CFAP161: variants seen among roughly 807,000 people sequenced by gnomAD.
CFAP161 encodes the protein cilia and flagella associated protein 161.
A neutral mutation model predicts 29.0 loss-of-function variants in CFAP161; 25 were observed. The observed-to-expected ratio is 0.86, with a 90% confidence interval of 0.63 to 1.20. CFAP161 has a LOEUF of 1.20. CFAP161 is among the 50% of genes most tolerant of loss of function. CFAP161 has a pLI of 0.00. For missense variants in CFAP161, 367 were observed against 371.9 expected (o/e 0.99, Z 0.11); for synonymous variants, 116 against 137.4 (o/e 0.84, Z 1.09).
Position 81,116,041 on chromosome 15 carries a change from A to G in CFAP161, c.-141-11549A>G, listed in dbSNP as rs1459019044. On this transcript the variant is annotated intron_variant, in intron 1 of 4. Coordinates refer to the CFAP161 transcript ENST00000560091. ...CATGTGGCCTGTTTTCTTATGTTGT[A>G]AACATAAGTCTGAACTTTTCCAGAG... 3.3e-5 allele frequency among the ~76,000 whole-genome samples: 5 copies of G among 152,214 alleles called. No homozygotes were observed. In the East Asian group the frequency reaches 9.6e-4, roughly 29 times the overall value.
intron 5 of CFAP161, among the ~76,000 whole-genome samples, chr15:81,144,602 A>G (rs1435154467): frequency 6.6e-6 from 1 of 151,922 alleles, no homozygotes; most frequent in African/African-American, 2.4e-5. Context: ...TCTCAAAATA[A>G]ATAAATAAAT....
intron 3 of CFAP161, among the ~76,000 whole-genome samples, chr15:81,137,541 A>AGCCAAGATTGCACCAC (rs1347973706): frequency 2.0e-5 from 3 of 152,210 alleles, no homozygotes; most frequent in African/African-American, 7.2e-5. Flanking sequence ...GGTTGCAGTG[A>AGCCAAGATTGCACCAC]GCCAAGATTG....
At chr15:81,120,971 A>C (rs917654205) in intron 1 of CFAP161, among the ~76,000 whole-genome samples, 5 of 152,246 alleles carry the variant, frequency 3.3e-5, no homozygotes, top group African/African-American at 4.8e-5. Context: ...AATTCTACTA[A>C]GAGTAAATCA....
At chr15:81,135,228 A>C in intron 1 of CFAP161, 42 bp from the exon 2 acceptor site, 45 of 1,208,852 alleles carry the variant, frequency 3.7e-5, no homozygotes, top group Non-Finnish European at 4.1e-5. Flanking sequence ...TAATACTAAC[A>C]TCTATATTAT....
upstream of CFAP161, among the ~76,000 whole-genome samples, chr15:81,134,023 T>G (rs1894761462): frequency 6.6e-6 from 1 of 152,222 alleles, no homozygotes; most frequent in Admixed American, 6.5e-5. Flanking sequence ...ACTTTTCGGT[T>G]AGATTCTAAT....
At chr15:81,104,010 A>G (rs1347298566) in intron 1 of CFAP161, among the ~76,000 whole-genome samples, 1 of 152,130 alleles carries the variant, frequency 6.6e-6, no homozygotes, top group Non-Finnish European at 1.5e-5. Context: ...GATTTCAGAG[A>G]GTTTTTCCCT....
At chr15:81,115,227 A>T (rs1487610699) in intron 1 of CFAP161, among the ~76,000 whole-genome samples, 1 of 152,050 alleles carries the variant, frequency 6.6e-6, no homozygotes, top group East Asian at 1.9e-4. Flanking sequence ...TTTTTTTAGC[A>T]TTAGTGACTC....
intron 1 of CFAP161, among the ~76,000 whole-genome samples, chr15:81,100,016 A>G (rs1265860807): frequency 2.0e-5 from 3 of 152,028 alleles, no homozygotes; most frequent in Non-Finnish European, 4.4e-5. Flanking sequence ...ATTAAAGTAC[A>G]TAAGATAATA....
At chr15:81,138,304 A>G (rs377288565) in intron 4 of CFAP161, among the ~76,000 whole-genome samples, 169 bp downstream of exon 4, 106 of 152,376 alleles carry the variant, frequency 7.0e-4, no homozygotes, top group African/African-American at 2.5e-3. Flanking sequence ...GGGCCAAGCC[A>G]GTCTTTCCTT....
chr15:81,134,112 G>A (rs984520778), upstream of CFAP161: 10 of 547,080 alleles, frequency 1.8e-5, no homozygotes, highest in Middle Eastern at 4.9e-4. Context: ...TGCAGTTAAG[G>A]AAATCTAAGA....
intron 1 of CFAP161, among the ~76,000 whole-genome samples, chr15:81,118,871 G>T (rs1278533396): frequency 9.9e-6 from 1 of 100,688 alleles, no homozygotes; most frequent in African/African-American, 3.0e-5. Context: ...TTTTGTATAC[G>T]TTACCAAATT....
chr15:81,100,136 T>G (rs1050249937), intron 1 of CFAP161, among the ~76,000 whole-genome samples: 2 of 151,892 alleles, frequency 1.3e-5, no homozygotes, highest in Non-Finnish European at 2.9e-5. Flanking sequence ...TCCCAGGTTT[T>G]TGGTATAGTC....
At chr15:81,111,288 C>T (rs951906640) in intron 1 of CFAP161, among the ~76,000 whole-genome samples, 2 of 152,228 alleles carry the variant, frequency 1.3e-5, no homozygotes, top group Admixed American at 6.5e-5. Context: ...CAGTGCTTGA[C>T]GCACAGTGAA....
upstream of CFAP161, among the ~76,000 whole-genome samples, chr15:81,132,048 G>A (rs1193935475): frequency 1.3e-5 from 2 of 152,136 alleles, no homozygotes; most frequent in Non-Finnish European, 2.9e-5. Flanking sequence ...AGGCTGAGGA[G>A]GGCCGATCAC....
chr15:81,107,692 T>C (rs1344251569), intron 1 of CFAP161, among the ~76,000 whole-genome samples: 4 of 152,054 alleles, frequency 2.6e-5, no homozygotes, highest in Non-Finnish European at 5.9e-5. Flanking sequence ...GCCATTGCAC[T>C]CCAGCCTGGG....
chr15:81,115,688 T>C (rs1341344549), intron 1 of CFAP161, among the ~76,000 whole-genome samples: 1 of 152,112 alleles, frequency 6.6e-6, no homozygotes, highest in Non-Finnish European at 1.5e-5. Context: ...CTTTTGTTTT[T>C]CATTTGTTTT....
chr15:81,144,141 T>C (rs1894966108), intron 5 of CFAP161, among the ~76,000 whole-genome samples: 1 of 152,216 alleles, frequency 6.6e-6, no homozygotes, highest in Non-Finnish European at 1.5e-5. Flanking sequence ...CTAGAGTTTC[T>C]CACCTCTGGC....
chr15:81,137,977 A>G lies in CFAP161; in HGVS notation c.393-74A>G. On this transcript the variant is annotated intron_variant, in intron 3 of 6. Transcript: ENST00000286732. ...ACTGATTATAAACAAAATTGCATGC[A>G]TAAAAAATAGAGTCATAGAATGATT... 43 of 1,151,922 alleles carry G rather than the reference A, an allele frequency of 3.7e-5. 2 individuals carry two copies. The South Asian group carries it at 5.8e-4, about 16-fold the overall frequency. The allele number at this position is 1,151,922 out of a possible 1,614,324, so 71.4% of individuals were successfully genotyped here.
At chr15:81,146,575 G>T (rs1448227734) in intron 5 of CFAP161, among the ~76,000 whole-genome samples, 1 of 151,388 alleles carries the variant, frequency 6.6e-6, no homozygotes, top group African/African-American at 2.4e-5. Context: ...ATTATGGTTT[G>T]GCATCTAAAT....
Sources: allele counts gnomAD v4.1 joint callset (sites outside exome capture counted in the v4.1 genomes callset), GRCh38; gene constraint gnomAD v4.1.1; transcripts MANE v1.5; gene names NCBI Gene and HGNC (gene_info 2026-07-23, HGNC 2026-07-21).